Variants in TTC21B observed in about 807,000 individuals in gnomAD.
TTC21B encodes tetratricopeptide repeat domain 21B.
TTC21B carries 127 observed loss-of-function variants against 175.1 expected under a neutral mutation model. That is an observed-to-expected ratio of 0.73 (90% CI 0.63 to 0.84). The LOEUF (loss-of-function observed/expected upper bound fraction) is 0.84. Among genes scored for constraint, TTC21B ranks in the 40% least tolerant of loss-of-function variants. The pLI is 0.00. For synonymous variants in TTC21B, 524 were observed against 524.5 expected, an observed-to-expected ratio of 1.00 and a Z score of 0.01; for missense variants, 1,561 against 1,558.3, an observed-to-expected ratio of 1.00 and a Z score of -0.03.
intron 22 of TTC21B, among the ~76,000 whole-genome samples, chr2:165,891,658 A>G (rs1264642600): frequency 3.3e-5 from 5 of 152,062 alleles, no homozygotes; most frequent in Non-Finnish European, 7.4e-5. Flanking sequence ...GTTCCTAGAA[A>G]GCCTTCTTCC....
chr2:165,918,535 T>A (rs1686268569), intron 13 of TTC21B, among the ~76,000 whole-genome samples: 1 of 152,154 alleles, frequency 6.6e-6, no homozygotes, highest in African/African-American at 2.4e-5. Flanking sequence ...GACCTTGTGA[T>A]CTGCCCACCT....
chr2:165,919,261 G>A lies in TTC21B; in HGVS notation c.1674+15C>T, dbSNP rs1686297126. On this transcript the variant is annotated intron_variant, in intron 13 of 28. Transcript: ENST00000243344. ...AGGGTGATATGTCTTATCCACTTCAGTCTGGAATACTTACCTTAAAATCAT... is the reference window on the plus strand; with the variant it reads ...AGGGTGATATGTCTTATCCACTTCAATCTGGAATACTTACCTTAAAATCAT... The A allele has an allele frequency of 1.9e-6, 3 of 1,613,414 alleles. No individual in the cohort carries two copies. The highest frequency in any genetic ancestry group is 2.2e-5 in the South Asian group (2 of 91,048).
chr2:165,912,163 A>G (rs1421723445), intron 17 of TTC21B, among the ~76,000 whole-genome samples: 1 of 152,184 alleles, frequency 6.6e-6, no homozygotes, highest in Non-Finnish European at 1.5e-5. Context: ...GGAAAAAAAA[A>G]TGAACTCAAA....
chr2:165,943,137 T>G, intron 5 of TTC21B, 82 bp downstream of exon 5: 3 of 1,442,238 alleles, frequency 2.1e-6, no homozygotes, highest in South Asian at 1.2e-5. Context: ...TCAACTTTTT[T>G]GAGCTACTTG....
At chr2:165,898,312 A>C (rs1190679807) in intron 22 of TTC21B, among the ~76,000 whole-genome samples, 1 of 152,154 alleles carries the variant, frequency 6.6e-6, no homozygotes, top group Non-Finnish European at 1.5e-5. Context: ...AGAATGGAGA[A>C]GTTCTCTTCC....
intron 14 of TTC21B, among the ~76,000 whole-genome samples, chr2:165,915,688 G>C (rs1368208116): frequency 6.6e-6 from 1 of 152,152 alleles, no homozygotes; most frequent in Non-Finnish European, 1.5e-5. Context: ...CTGCTACAGA[G>C]GGTCACTGCT....
chr2:165,943,353 A>G lies in TTC21B; in HGVS notation c.430-12T>C. The stretch of plus-strand genomic sequence containing the variant: ...TTCAAAACGTGTCCCTGTAAAATGA[A>G]TAATTCTATTTTTACTTTTTTAGAA... On this transcript the variant is annotated splice_polypyrimidine_tract_variant and intron_variant, in intron 4 of 28. Transcript: ENST00000243344. The G allele has an allele frequency of 6.3e-7, 1 of 1,589,138 alleles. No individual in the cohort carries two copies. Among genetic ancestry groups the G allele is most frequent in the Non-Finnish European group, 8.6e-7 (1 of 1,159,622 alleles).
rs1468655484 is a variant in TTC21B, at chr2:165,880,721, C to G, written c.3763G>C (p.Glu1255Gln). The change falls in exon 27 of 29, where the codon GAG becomes CAG. Residue 1255 changes from glutamate to glutamine, a missense_variant. Coordinates refer to ENST00000243344, the MANE Select transcript of TTC21B (RefSeq NM_024753.5). Reference sequence around the variant, plus strand: ...CGATTGCTATATTTCCATGCCATCTCATAGTTCAAGGCAGCATCTGTATAT... The same window carrying G: ...CGATTGCTATATTTCCATGCCATCTGATAGTTCAAGGCAGCATCTGTATAT... Reference protein sequence around the residue: ...QAYTDAALNYEMAWKYSNRTN... With the variant: ...QAYTDAALNYQMAWKYSNRTN... 1 of 1,613,612 alleles carries G rather than the reference C, an allele frequency of 6.2e-7. No homozygotes were observed. Among genetic ancestry groups the G allele is most frequent in the Non-Finnish European group, 8.5e-7 (1 of 1,179,804 alleles).
At chr2:165,950,805 C>T (rs927683703) in intron 1 of TTC21B, among the ~76,000 whole-genome samples, 1 of 152,088 alleles carries the variant, frequency 6.6e-6, no homozygotes, top group Non-Finnish European at 1.5e-5. Context: ...GATGGGGCTC[C>T]CCATGTTGGC....
chr2:165,928,682 G>A (rs1686768727), intron 11 of TTC21B: 1 of 180,338 alleles, frequency 5.5e-6, no homozygotes, highest in South Asian at 1.1e-4. Context: ...CTAGGGAGCA[G>A]AAGGAGGACC....
intron 20 of TTC21B, among the ~76,000 whole-genome samples, 181 bp from the exon 21 acceptor site, chr2:165,900,061 C>A (rs1574080751): frequency 3.6e-5 from 4 of 111,634 alleles, no homozygotes; most frequent in African/African-American, 3.0e-5. Context: ...TTCTCTTACA[C>A]TAGAAAAAAA....
At position 165,912,537 on chromosome 2, in the gene TTC21B, TAAG is replaced by T. The variant is rs1685992087; in HGVS notation, c.2296_2298del (p.Leu766del). 1 of 1,613,922 alleles carries T rather than the reference TAAG, an allele frequency of 6.2e-7. No homozygotes were observed. Among genetic ancestry groups the T allele is most frequent in the South Asian group, 1.1e-5 (1 of 91,086 alleles). On this transcript the variant is annotated inframe_deletion, in exon 17 of 29. Transcript: ENST00000243344. ...ACCATTGAGTAGTTATGAGTTTTGA[TAAG>T]TGCTTTGCCCATTTTGCTTGCCAAT... is the stretch of plus-strand genomic sequence containing the variant.
chr2:165,909,655 A>G (rs1363485959), intron 18 of TTC21B, among the ~76,000 whole-genome samples: 1 of 152,230 alleles, frequency 6.6e-6, no homozygotes, highest in Non-Finnish European at 1.5e-5. Flanking sequence ...TTAAGAAAGA[A>G]CAATGGGGCA....
chr2:165,944,283 T>C (rs996300665), intron 4 of TTC21B, among the ~76,000 whole-genome samples: 3 of 152,240 alleles, frequency 2.0e-5, no homozygotes, highest in East Asian at 1.9e-4. Context: ...TTAAGACAAA[T>C]AGATCACTTC....
At position 165,874,959 on chromosome 2, in the gene TTC21B, C is replaced by T. The variant is rs573225644; in HGVS notation, c.3874-127G>A. ...TGTACTAATACTACAACAGCTATAA[C>T]ACTTTTTAATGGTGGCATTTTAAAT... On this transcript the variant is annotated intron_variant, in intron 28 of 28. Coordinates refer to ENST00000243344, the MANE Select transcript of TTC21B (RefSeq NM_024753.5). The T allele has an allele frequency of 5.7e-5, 44 of 774,386 alleles. 1 individual carries two copies. The South Asian group carries it at 6.6e-4, about 12-fold the overall frequency. The allele number at this position is 774,386 out of a possible 1,614,324, so 48.0% of individuals were successfully genotyped here.
chr2:165,897,489 G>A (rs1685410157), intron 22 of TTC21B, among the ~76,000 whole-genome samples: 1 of 152,196 alleles, frequency 6.6e-6, no homozygotes, highest in Admixed American at 6.5e-5. Context: ...TCACTGAGGT[G>A]AGAGGTGGGG....
At chr2:165,904,502 A>G (rs1685665676) in intron 19 of TTC21B, among the ~76,000 whole-genome samples, 1 of 152,204 alleles carries the variant, frequency 6.6e-6, no homozygotes, top group Non-Finnish European at 1.5e-5. Context: ...AAATCTCAAA[A>G]CCAAAACACT....
Position 165,890,840 on chromosome 2 carries a change from A to C in TTC21B, c.3099T>G (p.Leu1033=), listed in dbSNP as rs753947858. The change falls in exon 23 of 29, where the codon CTT becomes CTG. Residue 1033 remains leucine (L), a splice_region_variant and synonymous_variant. Transcript: ENST00000243344. The part of the protein sequence containing the change: ...PGFQYCKGLY[L]WYTGEPNDAL... ...CATTTATTTGTAAATAGATTTACCA[A>C]AGATACAGTCCTTTACAATACTGAA... The C allele has an allele frequency of 6.2e-7, 1 of 1,612,910 alleles. No homozygotes were observed. The highest frequency in any genetic ancestry group is 2.2e-5 in the East Asian group (1 of 44,770).
intron 26 of TTC21B, among the ~76,000 whole-genome samples, chr2:165,881,718 C>T (rs1203384333): frequency 1.3e-5 from 2 of 152,028 alleles, no homozygotes; most frequent in African/African-American, 2.4e-5. Context: ...TGATAAGCCA[C>T]ACTGAGGCAT....
Sources: allele counts gnomAD v4.1 joint callset (sites outside exome capture counted in the v4.1 genomes callset), GRCh38; gene constraint gnomAD v4.1.1; transcripts MANE v1.5; gene names NCBI Gene and HGNC (gene_info 2026-07-23, HGNC 2026-07-21).